DIAPH1: variants seen among roughly 807,000 people sequenced by gnomAD.
DIAPH1 encodes protein diaphanous homolog 1.
Under a neutral mutation model 140.7 loss-of-function variants are expected in DIAPH1, and 46 were observed. That is an observed-to-expected ratio of 0.33 (90% confidence interval 0.26 to 0.42). DIAPH1 has a LOEUF of 0.42. Among genes scored for constraint, DIAPH1 ranks in the 10% least tolerant of loss-of-function variants. The pLI, the probability that DIAPH1 is intolerant of heterozygous loss-of-function variation, is 1.00. For synonymous variants in DIAPH1, 565 were observed against 551.6 expected (o/e 1.02, Z -0.34); for missense variants, 1,310 against 1,558.7 (o/e 0.84, Z 2.69).
At chr5:141,614,759 C>T (rs1357935894) in intron 1 of DIAPH1, among the ~76,000 whole-genome samples, 2 of 151,838 alleles carry the variant, frequency 1.3e-5, no homozygotes, top group Non-Finnish European at 2.9e-5. Context: ...CACTAACGTT[C>T]CTGTAGGCTC....
chr5:141,530,906 T>C (rs946282150), intron 19 of DIAPH1, among the ~76,000 whole-genome samples: 3 of 152,192 alleles, frequency 2.0e-5, no homozygotes, highest in Non-Finnish European at 4.4e-5. Flanking sequence ...CCTTTCCTCA[T>C]GTGTCAACAG....
rs545462525 is a variant in DIAPH1 at position 141,515,485 on chromosome 5, A to C, written c.*1366T>G. The C allele has an allele frequency of 1.9e-4, 29 of 152,346 alleles. No individual in the cohort carries two copies. Among genetic ancestry groups the C allele is most frequent in the African/African-American group, 6.5e-4 (27 of 41,560 alleles). 9.4% of individuals were successfully genotyped at this position (152,346 alleles called of 1,614,324 possible). On this transcript the variant is annotated 3_prime_UTR_variant, in exon 28 of 28. Coordinates refer to ENST00000389054, the MANE Select transcript of DIAPH1 (RefSeq NM_005219.5). ...AGCTGAGAGGGGCACAAGGAGGGCAAAAGTATCACCCTAAGCCAGAGAATT... is the reference window on the plus strand; with the variant it reads ...AGCTGAGAGGGGCACAAGGAGGGCACAAGTATCACCCTAAGCCAGAGAATT...
chr5:141,583,218 T>C lies in DIAPH1; in HGVS notation c.608A>G (p.Glu203Gly). ...DILKRLHDEK[E>G]ETAGSYDSRN... ...TGGAAGTCCTCACCCAGCAGTCTCT[T>C]CTTTCTCATCATGAAGTCGTTTAAG... The change falls in exon 6 of 28, where the codon GAA (glutamate) becomes GGA (glycine). Residue 203 changes from glutamate (E) to glycine (G), a missense_variant. By Grantham distance (98) the Glu-to-Gly change is moderately conservative (BLOSUM62 -2). Coordinates refer to ENST00000389054, the MANE Select transcript of DIAPH1 (RefSeq NM_005219.5). 1 of 1,614,198 alleles carries C rather than the reference T, an allele frequency of 6.2e-7. No individual in the cohort carries two copies. The highest frequency in any genetic ancestry group is 1.1e-5 in the South Asian group (1 of 91,082).
intron 1 of DIAPH1, among the ~76,000 whole-genome samples, chr5:141,609,997 T>C (rs1335076848): frequency 6.6e-6 from 1 of 152,156 alleles, no homozygotes; most frequent in South Asian, 2.1e-4. Context: ...TCTATACAAG[T>C]TCTAGAAGAA....
chr5:141,605,812 A>G (rs907574003), intron 1 of DIAPH1, among the ~76,000 whole-genome samples: 2 of 152,136 alleles, frequency 1.3e-5, no homozygotes, highest in East Asian at 1.9e-4. Flanking sequence ...TTGCCTGATA[A>G]TACATATCCT....
At chr5:141,588,157 A>T (rs2099897830) in intron 2 of DIAPH1, 67 bp downstream of exon 2, 2 of 1,322,402 alleles carry the variant, frequency 1.5e-6, no homozygotes, top group Non-Finnish European at 2.2e-6. Context: ...AAAGTTATGA[A>T]AACTGGTAAA....
At chr5:141,539,282 A>G (rs981999102) in intron 18 of DIAPH1, among the ~76,000 whole-genome samples, 3 of 152,118 alleles carry the variant, frequency 2.0e-5, no homozygotes, top group African/African-American at 7.2e-5. Flanking sequence ...GTGTCAAAAA[A>G]AAAAAAGAGT....
At chr5:141,606,152 T>A (rs1027939521) in intron 1 of DIAPH1, among the ~76,000 whole-genome samples, 1 of 152,138 alleles carries the variant, frequency 6.6e-6, no homozygotes, top group African/African-American at 2.4e-5. Context: ...GGTGGGAGTA[T>A]ATGTGCTTAT....
Position 141,524,109 on chromosome 5 carries a change from C to A in DIAPH1, c.3661+34G>T, listed in dbSNP as rs75229850. 4.4e-6 allele frequency: 7 copies of A among 1,597,294 alleles called. No homozygotes were observed. The African/African-American group carries it at 9.4e-5, about 21-fold the overall frequency. ...AGGAGTAGAGAGCCCTCACCCCCTT[C>A]GACACCCAGGATGAGCTCCATGTGC... On this transcript the variant is annotated intron_variant, in intron 27 of 27. Transcript: ENST00000389054.
At chr5:141,593,552 A>G (rs2099898823) in intron 1 of DIAPH1, among the ~76,000 whole-genome samples, 1 of 152,176 alleles carries the variant, frequency 6.6e-6, no homozygotes, top group East Asian at 1.9e-4. Context: ...CAAGTAGATC[A>G]CTTCAGAGCT....
chr5:141,524,171 T>A lies in DIAPH1; in HGVS notation c.3633A>T (p.Ala1211=), dbSNP rs2154594917. Residue 1211 remains alanine, a synonymous_variant, in exon 27 of 28, where the codon GCA becomes GCT. Coordinates refer to ENST00000389054, the MANE Select transcript of DIAPH1 (RefSeq NM_005219.5). ...SLLEALQSGA[A]FRRKRGPRQA... is the part of the protein sequence containing the mutation. ...GACGGGGCCCTCTCTTCCGTCGGAA[T>A]GCTGCCCCTGACTGCAGGGCTTCTA... The A allele has an allele frequency of 1.2e-6, 2 of 1,614,194 alleles. No individual in the cohort carries two copies. Among genetic ancestry groups the A allele is most frequent in the Non-Finnish European group, 8.5e-7 (1 of 1,180,032 alleles).
chr5:141,583,187 A>G lies in DIAPH1; in HGVS notation c.620+19T>C, dbSNP rs773944400. On this transcript the variant is annotated intron_variant, in intron 6 of 27. Transcript: ENST00000389054. ...TGTGACTCTCCAACTTGAAGTTGCAAAGACTTGGAAGTCCTCACCCAGCAG... is the reference window on the plus strand; with the variant it reads ...TGTGACTCTCCAACTTGAAGTTGCAGAGACTTGGAAGTCCTCACCCAGCAG... The G allele has an allele frequency of 3.1e-6, 5 of 1,610,140 alleles. No individual in the cohort carries two copies. The highest frequency in any genetic ancestry group is 3.4e-6 in the Non-Finnish European group (4 of 1,176,476).
intron 26 of DIAPH1, chr5:141,524,803 A>T (rs1436249333): frequency 1.2e-5 from 2 of 173,816 alleles, no homozygotes; most frequent in African/African-American, 4.8e-5. Flanking sequence ...GGTTTCCATG[A>T]CAACAGCTTA....
chr5:141,547,960 G>C (rs2099891066), intron 18 of DIAPH1, among the ~76,000 whole-genome samples: 1 of 152,138 alleles, frequency 6.6e-6, no homozygotes, highest in South Asian at 2.1e-4. Flanking sequence ...CACTTTGAGA[G>C]GCTAATGTGC....
intron 1 of DIAPH1, among the ~76,000 whole-genome samples, chr5:141,611,217 G>C (rs912254013): frequency 6.6e-5 from 10 of 152,244 alleles, no homozygotes; most frequent in African/African-American, 2.4e-4. Flanking sequence ...CTGCACTCCA[G>C]ACCAGGCAAC....
chr5:141,529,404 G>A, intron 20 of DIAPH1, 131 bp from the exon 21 acceptor site: 2 of 916,896 alleles, frequency 2.2e-6, no homozygotes, highest in Non-Finnish European at 3.5e-6. Flanking sequence ...GGTGGGAGAA[G>A]AGAGGCAGCT....
chr5:141,603,778 T>C (rs1459878913), intron 1 of DIAPH1, among the ~76,000 whole-genome samples: 2 of 152,220 alleles, frequency 1.3e-5, no homozygotes, highest in Admixed American at 6.5e-5. Context: ...AATATTAGAA[T>C]TGGATCCTCT....
At chr5:141,584,010 G>T in intron 4 of DIAPH1, 114 bp downstream of exon 4, 1 of 706,200 alleles carries the variant, frequency 1.4e-6, no homozygotes, top group Non-Finnish European at 2.6e-6. Flanking sequence ...TTATATAATG[G>T]AATGAAACAG....
intron 18 of DIAPH1, among the ~76,000 whole-genome samples, chr5:141,551,629 T>C (rs569294465): frequency 5.3e-5 from 8 of 152,318 alleles, no homozygotes; most frequent in Non-Finnish European, 1.0e-4. Context: ...TCTAGCAGCT[T>C]TTCTGTATGT....
Sources: allele counts gnomAD v4.1 joint callset (sites outside exome capture counted in the v4.1 genomes callset), GRCh38; gene constraint gnomAD v4.1.1; transcripts MANE v1.5; gene names NCBI Gene and HGNC (gene_info 2026-07-23, HGNC 2026-07-21).